Variants in PIK3R3 observed in about 807,000 individuals in gnomAD.
PIK3R3 encodes the protein phosphatidylinositol 3-kinase regulatory subunit gamma.
Under a neutral mutation model 62.9 loss-of-function variants are expected in PIK3R3, and 64 were observed. The observed-to-expected ratio is 1.02, with a 90% CI of 0.83 to 1.25. The LOEUF (loss-of-function observed/expected upper bound fraction) is 1.25. Ranked by LOEUF, PIK3R3 falls within the 50% of genes most tolerant of loss-of-function variation. The pLI is 0.00. For missense variants in PIK3R3, 614 were observed against 561.6 expected, an observed-to-expected ratio of 1.09 and a Z score of -0.94; for synonymous variants, 165 against 189.0, an observed-to-expected ratio of 0.87 and a Z score of 1.04.
At chr1:46,110,217 T>C (rs542708531) in intron 1 of PIK3R3, among the ~76,000 whole-genome samples, 1 of 151,402 alleles carries the variant, frequency 6.6e-6, no homozygotes, top group East Asian at 1.9e-4. Flanking sequence ...GTTCAAGTGA[T>C]TCTCCTGGCT....
At chr1:46,132,894 T>C, upstream of PIK3R3, 1 of 1,191,582 alleles carries the variant, frequency 8.4e-7, no homozygotes, top group Non-Finnish European at 1.1e-6. Flanking sequence ...CCATCCGCGC[T>C]CTCCCCCAGC....
the PIK3R3 span, among the ~76,000 whole-genome samples, chr1:46,165,305 C>CT: frequency 0.19 from 25,094 of 129,954 alleles, 3,017 homozygotes; most frequent in South Asian, 0.41. Context: ...TCTTCTTCTT[C>CT]TTTTTTTTTT....
At chr1:46,066,320 T>C in intron 4 of PIK3R3, 141 bp from the exon 5 acceptor site, 1 of 610,758 alleles carries the variant, frequency 1.6e-6, no homozygotes, top group Non-Finnish European at 2.8e-6. Context: ...TTTAAGCCAC[T>C]GTATTAATAT....
chr1:46,109,383 T>C (rs1237822935), intron 1 of PIK3R3, among the ~76,000 whole-genome samples: 5 of 152,198 alleles, frequency 3.3e-5, no homozygotes, highest in Admixed American at 2.0e-4. Flanking sequence ...GTAGCTTTTG[T>C]ATCATTATTT....
At chr1:46,067,278 A>ATATATATATATATATATAT in intron 3 of PIK3R3, among the ~76,000 whole-genome samples, 187 bp from the exon 4 acceptor site, 2 of 145,848 alleles carry the variant, frequency 1.4e-5, no homozygotes, top group Non-Finnish European at 3.0e-5. Flanking sequence ...ATATATATAT[A>ATATATATATATATATATAT]ATTCATTTTG....
intron 7 of PIK3R3, among the ~76,000 whole-genome samples, chr1:46,052,082 G>A (rs1032400999): frequency 6.6e-6 from 1 of 152,066 alleles, no homozygotes; most frequent in Non-Finnish European, 1.5e-5. Context: ...AGCTTGCAGT[G>A]AGCTGAGATC....
intron 4 of PIK3R3, 107 bp from the exon 5 acceptor site, chr1:46,066,286 T>A: frequency 1.4e-6 from 1 of 736,110 alleles, no homozygotes; most frequent in Non-Finnish European, 2.2e-6. Context: ...AACCATCTAT[T>A]AAACTATATT....
At chr1:46,087,500 T>C (rs1366580217) in intron 1 of PIK3R3, among the ~76,000 whole-genome samples, 1 of 151,350 alleles carries the variant, frequency 6.6e-6, no homozygotes, top group African/African-American at 2.4e-5. Context: ...CAGTCAGGAG[T>C]TGGGAGATTT....
At chr1:46,102,565 A>C (rs1243427114) in intron 1 of PIK3R3, among the ~76,000 whole-genome samples, 2 of 152,046 alleles carry the variant, frequency 1.3e-5, no homozygotes. Context: ...GATTGTCTAT[A>C]AATGTTTGGT....
chr1:46,156,935 T>C, the PIK3R3 span, among the ~76,000 whole-genome samples: 2 of 152,198 alleles, frequency 1.3e-5, no homozygotes, highest in African/African-American at 4.8e-5. Flanking sequence ...GATATTTGTC[T>C]CCTGATCCTC....
intron 1 of PIK3R3, among the ~76,000 whole-genome samples, chr1:46,124,094 A>T (rs550386790): frequency 9.9e-5 from 15 of 152,226 alleles, no homozygotes; most frequent in Non-Finnish European, 2.1e-4. Context: ...TTTGACTGCA[A>T]GAGTACCCAA....
intron 1 of PIK3R3, among the ~76,000 whole-genome samples, chr1:46,089,612 G>A (rs1651418281): frequency 6.6e-6 from 1 of 151,868 alleles, no homozygotes; most frequent in Non-Finnish European, 1.5e-5. Context: ...CGACTCGGGA[G>A]GCTGAGACCG....
the PIK3R3 span, among the ~76,000 whole-genome samples, chr1:46,148,088 A>G: frequency 6.6e-6 from 1 of 152,178 alleles, no homozygotes; most frequent in African/African-American, 2.4e-5. Context: ...GAGAGGGACC[A>G]GTGTTAATAA....
intron 1 of PIK3R3, among the ~76,000 whole-genome samples, chr1:46,090,427 G>C (rs1260796079): frequency 6.6e-6 from 1 of 152,034 alleles, no homozygotes; most frequent in Non-Finnish European, 1.5e-5. Context: ...CACCTCCTAG[G>C]TTCAGGCGAT....
At chr1:46,049,932 T>G (rs1571352058) in intron 7 of PIK3R3, among the ~76,000 whole-genome samples, 1 of 150,988 alleles carries the variant, frequency 6.6e-6, no homozygotes, top group Admixed American at 6.6e-5. Flanking sequence ...CCAGGCTGGC[T>G]AACATGGTGA....
chr1:46,061,018 G>A, intron 6 of PIK3R3, among the ~76,000 whole-genome samples: 1 of 152,098 alleles, frequency 6.6e-6, no homozygotes, highest in East Asian at 1.9e-4. Context: ...TCCTTTCTGT[G>A]TAATTTCATT....
chr1:46,097,533 A>G (rs1185284638), intron 1 of PIK3R3, among the ~76,000 whole-genome samples: 3 of 152,160 alleles, frequency 2.0e-5, no homozygotes, highest in Non-Finnish European at 4.4e-5. Flanking sequence ...GCTTTCCCCT[A>G]CAATCAAAAA....
intron 3 of PIK3R3, among the ~76,000 whole-genome samples, chr1:46,068,763 A>G (rs1259161802): frequency 6.6e-6 from 1 of 152,214 alleles, no homozygotes; most frequent in Non-Finnish European, 1.5e-5. Context: ...AGGGAGAGTA[A>G]TAGGAGACTA....
At chr1:46,152,213 G>T in the PIK3R3 span, among the ~76,000 whole-genome samples, 1 of 152,136 alleles carries the variant, frequency 6.6e-6, no homozygotes, top group African/African-American at 2.4e-5. Flanking sequence ...TCAACACTCA[G>T]CCAACTAACA....
Sources: allele counts gnomAD v4.1 joint callset (sites outside exome capture counted in the v4.1 genomes callset), GRCh38; gene constraint gnomAD v4.1.1; transcripts MANE v1.5; gene names NCBI Gene and HGNC (gene_info 2026-07-23, HGNC 2026-07-21).